Variants in FNBP4 observed in about 807,000 individuals in gnomAD.
FNBP4 encodes formin-binding protein 4.
In FNBP4, 34 loss-of-function variants were observed where a neutral mutation model predicts 119.3. The observed-to-expected ratio is 0.28, with a 90% CI of 0.22 to 0.38. The LOEUF is 0.38. FNBP4 is among the 10% of genes least tolerant of loss of function. The pLI is 1.00. For synonymous variants in FNBP4, 462 were observed against 430.6 expected, an observed-to-expected ratio of 1.07 and a Z score of -0.90; for missense variants, 1,112 against 1,228.9, an observed-to-expected ratio of 0.90 and a Z score of 1.42.
Position 47,750,910 on chromosome 11 carries a change from A to T in FNBP4, c.906+6T>A. On this transcript the variant is annotated splice_donor_region_variant and intron_variant, in intron 6 of 16. Coordinates refer to ENST00000263773, the MANE Select transcript of FNBP4 (RefSeq NM_015308.5). ...ATAAACAAATGAGGTAAGTTTCGAC[A>T]CTGACCTTTTTAACTTCTCGCTTGG... 6.2e-7 allele frequency: 1 copy of T among 1,613,696 alleles called. No individual in the cohort carries two copies. Among genetic ancestry groups the T allele is most frequent in the Non-Finnish European group, 8.5e-7 (1 of 1,179,926 alleles).
At chr11:47,763,218 C>G (rs1214902236) in intron 2 of FNBP4, among the ~76,000 whole-genome samples, 1 of 152,028 alleles carries the variant, frequency 6.6e-6, no homozygotes, top group Non-Finnish European at 1.5e-5. Context: ...GATCACCGCA[C>G]TTTGGGAGTC....
intron 8 of FNBP4, 61 bp downstream of exon 8, chr11:47,743,892 C>A (rs1242176380): frequency 1.4e-6 from 2 of 1,461,690 alleles, no homozygotes; most frequent in Non-Finnish European, 1.9e-6. Context: ...CAAAAAAAGA[C>A]AAGAGTTTCC....
At position 47,767,137 on chromosome 11, in the gene FNBP4, GGGGC is replaced by G; in HGVS notation, c.148_151del (p.Ala50ArgfsTer11). Reference sequence around the variant, plus strand: ...GGTGGTGGTGGTCGTCGCCGCCGACGGGGCGGGCTGGCTGGGGACCGCCGCGGTT... The same window carrying G: ...GGTGGTGGTGGTCGTCGCCGCCGACGGGGCTGGCTGGGGACCGCCGCGGTT... On this transcript the variant is annotated frameshift_variant, in exon 1 of 17. Transcript: ENST00000263773. LOFTEE classifies it high-confidence loss of function. The G allele has an allele frequency of 6.5e-7, 1 of 1,543,622 alleles. No individual in the cohort carries two copies. The highest frequency in any genetic ancestry group is 1.4e-5 in the African/African-American group (1 of 72,130).
rs1565120445 is a variant in FNBP4, at chr11:47,723,120, T to C, written c.2661A>G (p.Ser887=). 6.2e-7 allele frequency: 1 copy of C among 1,613,934 alleles called. No homozygotes were observed. The highest frequency in any genetic ancestry group is 8.5e-7 in the Non-Finnish European group (1 of 1,179,984). The change falls in exon 15 of 17, where the codon TCA becomes TCG. Residue 887 remains serine, a synonymous_variant. Transcript: ENST00000263773. ...CACCTCGGGCCTGAACTGGCTGCAATGAGGGAGCAGTCACTCCAATTGGGA... is the reference window on the plus strand; with the variant it reads ...CACCTCGGGCCTGAACTGGCTGCAACGAGGGAGCAGTCACTCCAATTGGGA... The part of the protein sequence containing the change: ...CSVPIGVTAP[S]LQPVQARGAV...
At position 47,734,008 on chromosome 11, in the gene FNBP4, A is replaced by AAG; in HGVS notation, c.1686+16_1686+17insCT. The stretch of plus-strand genomic sequence containing the variant: ...CACTTAACTGTTTATGCCAAAAAAA[A>AAG]AAAAAAAAAGACTTACCTCAGTCTG... On this transcript the variant is annotated intron_variant, in intron 10 of 16. Transcript: ENST00000263773. 1 of 1,371,960 alleles carries AAG rather than the reference A, an allele frequency of 7.3e-7. No homozygotes were observed. Among genetic ancestry groups the AAG allele is most frequent in the Non-Finnish European group, 9.8e-7 (1 of 1,018,944 alleles). The allele number at this position is 1,371,960 out of a possible 1,614,324, so 85.0% of individuals were successfully genotyped here.
At chr11:47,729,068 T>A in intron 12 of FNBP4, 3 of 653,676 alleles carry the variant, frequency 4.6e-6, no homozygotes, top group Non-Finnish European at 5.7e-6. Flanking sequence ...CCCAGGCTGG[T>A]CTTGAACTCT....
chr11:47,738,539 T>C (rs2097577294), intron 8 of FNBP4, among the ~76,000 whole-genome samples: 1 of 152,104 alleles, frequency 6.6e-6, no homozygotes. Context: ...CAGTCCAGTC[T>C]GGGCAACAAG....
In FNBP4 at chr11:47,744,084, G is replaced by A. The variant is rs1447715674; in HGVS notation, c.1325C>T (p.Ser442Phe). The A allele has an allele frequency of 1.2e-6, 2 of 1,614,072 alleles. No individual in the cohort carries two copies. The highest frequency in any genetic ancestry group is 1.7e-6 in the Non-Finnish European group (2 of 1,180,016). ...CATAAGCCTACGCATTCCATCTTGA[G>A]ATGCTGGCTGGCTGATATCAGAACG... ...SPRSDISQPA[S>F]QDGMRRLMSK... The change falls in exon 8 of 17, where the codon TCT (serine) becomes TTT (phenylalanine). Residue 442 changes from serine to phenylalanine, a missense_variant. Physicochemically the swap from Ser to Phe is radical, Grantham distance 155. Coordinates refer to ENST00000263773, the MANE Select transcript of FNBP4 (RefSeq NM_015308.5).
chr11:47,749,409 T>C (rs529128156), intron 6 of FNBP4, among the ~76,000 whole-genome samples: 2 of 151,488 alleles, frequency 1.3e-5, no homozygotes, highest in South Asian at 2.1e-4. Context: ...TAAAAAAAAA[T>C]AGAAAAATTA....
chr11:47,725,850 A>T, intron 12 of FNBP4: 4 of 886,472 alleles, frequency 4.5e-6, no homozygotes, highest in Non-Finnish European at 5.4e-6. Context: ...AAATCATAGA[A>T]TTTAGGAGTA....
At chr11:47,749,225 C>T (rs1197984008) in intron 6 of FNBP4, among the ~76,000 whole-genome samples, 1 of 151,998 alleles carries the variant, frequency 6.6e-6, no homozygotes. Context: ...GAGCCATGGT[C>T]GTGCCACTGT....
In FNBP4 at chr11:47,722,181, T is replaced by A. The variant is rs1266796551; in HGVS notation, c.2805+795A>T. ...TTTGTCTGTTTGATGTACTGCTAAA[T>A]CCTAAGCCCCTAGGGAGAGTATCTG... is the stretch of plus-strand genomic sequence containing the variant. On this transcript the variant is annotated intron_variant, in intron 15 of 16. Transcript: ENST00000263773. Among the ~76,000 whole-genome samples, 4 of 146,880 alleles carry A rather than the reference T, an allele frequency of 2.7e-5. No individual in the cohort carries two copies. In the Admixed American group the frequency reaches 2.8e-4, roughly 10 times the overall value.
chr11:47,734,984 C>CG (rs1240443281), intron 9 of FNBP4, among the ~76,000 whole-genome samples: 1 of 110,972 alleles, frequency 9.0e-6, no homozygotes, highest in Non-Finnish European at 2.1e-5. Context: ...CAACACCCCC[C>CG]CCCCCAAAAA....
chr11:47,724,097 C>G lies in FNBP4; in HGVS notation c.2395G>C (p.Ala799Pro). Residue 799 changes from alanine to proline, a missense_variant, in exon 14 of 17, where the codon GCA becomes CCA. This residue lies in a region of FNBP4 where 826 missense variants were observed against 988.8 expected (regional missense o/e 0.84). Coordinates refer to ENST00000263773, the MANE Select transcript of FNBP4 (RefSeq NM_015308.5). ...IKRKATEIST[A>P]VVQRSATIGS... ...ATGGTAGCTGACCTCTGAACCACTG[C>G]AGTGCTAATTTCTGTAGCTTTCCTC... 1 of 1,614,190 alleles carries G rather than the reference C, an allele frequency of 6.2e-7. No homozygotes were observed. Among genetic ancestry groups the G allele is most frequent in the Non-Finnish European group, 8.5e-7 (1 of 1,180,010 alleles).
chr11:47,745,659 C>T (rs1339690836), intron 7 of FNBP4, among the ~76,000 whole-genome samples: 1 of 152,100 alleles, frequency 6.6e-6, no homozygotes, highest in Non-Finnish European at 1.5e-5. Flanking sequence ...CTTACACCTC[C>T]TCCCCTTTTG....
At chr11:47,746,685 T>C (rs1352287352) in intron 6 of FNBP4, among the ~76,000 whole-genome samples, 1 of 151,938 alleles carries the variant, frequency 6.6e-6, no homozygotes, top group Non-Finnish European at 1.5e-5. Context: ...CAGCTAATTT[T>C]TTGTATTTTT....
rs776535589 is a variant in FNBP4, at chr11:47,732,943, C to A, written c.1687-273G>T. Among the ~76,000 whole-genome samples, 1 of 152,170 alleles carries A rather than the reference C, an allele frequency of 6.6e-6. No homozygotes were observed. The highest frequency in any genetic ancestry group is 2.4e-5 in the African/African-American group (1 of 41,438). On this transcript the variant is annotated intron_variant, in intron 10 of 16. Transcript: ENST00000263773. The surrounding 1 kb of genome is among the most constrained non-coding windows in gnomAD (Gnocchi z 4.2). Reference sequence around the variant, plus strand: ...GACCAGCCTGGCCAACAAGGTGAGACCCTGTCTGTACTAAAAATACAAAAA... The same window carrying A: ...GACCAGCCTGGCCAACAAGGTGAGAACCTGTCTGTACTAAAAATACAAAAA...
intron 8 of FNBP4, 135 bp from the exon 9 acceptor site, chr11:47,736,875 C>T: frequency 2.3e-6 from 2 of 852,136 alleles, no homozygotes; most frequent in Non-Finnish European, 3.6e-6. Flanking sequence ...CTTGTTAAAA[C>T]TCTTCAAACA....
chr11:47,734,301 CAT>C (rs1331518507), intron 9 of FNBP4, among the ~76,000 whole-genome samples, 172 bp from the exon 10 acceptor site: 2 of 152,144 alleles, frequency 1.3e-5, no homozygotes, highest in African/African-American at 4.8e-5. Flanking sequence ...TTTATAGTAA[CAT>C]AATACACATA....
Sources: allele counts gnomAD v4.1 joint callset (sites outside exome capture counted in the v4.1 genomes callset), GRCh38; gene constraint gnomAD v4.1.1; regional missense constraint gnomAD v4.1.1; non-coding constraint Gnocchi (gnomAD v3.1); transcripts MANE v1.5; gene names NCBI Gene and HGNC (gene_info 2026-07-23, HGNC 2026-07-21).